Variants in GALNT9 observed in about 807,000 individuals in gnomAD.
GALNT9 encodes polypeptide N-acetylgalactosaminyltransferase 9.
Under a neutral mutation model 63.1 loss-of-function variants are expected in GALNT9, and 47 were observed. That is an observed-to-expected ratio of 0.75 (90% CI 0.59 to 0.95). The LOEUF (loss-of-function observed/expected upper bound fraction) is 0.95, where lower values mean the gene tolerates loss of function less well. GALNT9 is among the 40% of genes least tolerant of loss of function. GALNT9 has a pLI of 0.00. For synonymous variants in GALNT9, 396 were observed against 365.7 expected (o/e 1.08, Z -0.94); for missense variants, 829 against 874.8 (o/e 0.95, Z 0.66).
rs1334069633 is a variant in GALNT9 at position 132,286,172 on chromosome 12, A to G, written c.419+78T>C. The G allele has an allele frequency of 4.0e-5, 47 of 1,178,616 alleles. No homozygotes were observed. The East Asian group carries it at 8.6e-4, about 22-fold the overall frequency. The allele number at this position is 1,178,616 out of a possible 1,614,324, so 73.0% of individuals were successfully genotyped here. A position where few individuals can be genotyped will look rare whatever the true frequency, so the allele number is the denominator to read the frequency against. ...CACTTCCCCGGCCGGCGTGGGGGGC[A>G]GTCACTTCCCTGGCCAGTGTGGGGG... On this transcript the variant is annotated intron_variant, in intron 2 of 10. Coordinates refer to ENST00000328957, the MANE Select transcript of GALNT9 (RefSeq NM_001122636.2). The surrounding 1 kb of genome is among the most constrained non-coding windows in gnomAD (Gnocchi z 7.4).
At chr12:132,225,695 A>C (rs1397834556) in intron 6 of GALNT9, among the ~76,000 whole-genome samples, 246 of 140,110 alleles carry the variant, frequency 1.8e-3, no homozygotes, top group Non-Finnish European at 2.9e-3. Flanking sequence ...TACACACCCC[A>C]TACACACACT....
chr12:132,263,808 G>A lies in GALNT9; in HGVS notation c.420-1183C>T, dbSNP rs143904321. Among the ~76,000 whole-genome samples the A allele has an allele frequency of 8.7e-3, 1,324 of 152,290 alleles. 15 individuals are homozygous for A. The highest frequency in any genetic ancestry group is 0.028 in the African/African-American group (1,184 of 41,568). On this transcript the variant is annotated intron_variant, in intron 2 of 10. Coordinates refer to ENST00000328957, the MANE Select transcript of GALNT9 (RefSeq NM_001122636.2). ...CCGGCTGGGCCCGTGAAGTACTCAC[G>A]CCTGCCCCCTACGCCTCCTCGGAGC...
At chr12:132,324,780 T>C (rs1193419161) in intron 1 of GALNT9, among the ~76,000 whole-genome samples, 1 of 152,052 alleles carries the variant, frequency 6.6e-6, no homozygotes, top group African/African-American at 2.4e-5. Context: ...AGCCAGGTCT[T>C]CACTGGTGGT....
chr12:132,250,332 G>T (rs1017278874), intron 5 of GALNT9, among the ~76,000 whole-genome samples: 1 of 152,252 alleles, frequency 6.6e-6, no homozygotes, highest in Admixed American at 6.5e-5. Flanking sequence ...TCCCCACGGG[G>T]AGGGAGGACA....
At chr12:132,320,045 T>G (rs1222930267) in intron 1 of GALNT9, among the ~76,000 whole-genome samples, 2 of 152,200 alleles carry the variant, frequency 1.3e-5, no homozygotes, top group Non-Finnish European at 2.9e-5. Flanking sequence ...CTGTCAGACT[T>G]GAGTTTTCTG....
chr12:132,257,929 G>T, intron 4 of GALNT9, 43 bp from the exon 5 acceptor site: 1 of 1,356,496 alleles, frequency 7.4e-7, no homozygotes, highest in Non-Finnish European at 1.0e-6. Flanking sequence ...CCAGCCCACC[G>T]CATTCCCTGA....
chr12:132,202,806 C>G (rs1876267657), intron 7 of GALNT9, among the ~76,000 whole-genome samples: 1 of 152,100 alleles, frequency 6.6e-6, no homozygotes, highest in East Asian at 1.9e-4. Context: ...CAGTACCTGC[C>G]TTTCTTAGGG....
chr12:132,295,421 G>A (rs1437979090), intron 1 of GALNT9, among the ~76,000 whole-genome samples: 1 of 150,452 alleles, frequency 6.6e-6, no homozygotes, highest in Non-Finnish European at 1.5e-5. Flanking sequence ...CAGCCCTGGG[G>A]ACCTGTGAAC....
chr12:132,227,047 CACACAA>C (rs1377885261), intron 6 of GALNT9, among the ~76,000 whole-genome samples: 15 of 151,642 alleles, frequency 9.9e-5, no homozygotes, highest in African/African-American at 3.4e-4. Flanking sequence ...CCCACACCCA[CACACAA>C]CCCATAGCTT....
intron 2 of GALNT9, among the ~76,000 whole-genome samples, chr12:132,268,794 G>A (rs1435443230): frequency 2.6e-5 from 4 of 152,134 alleles, no homozygotes; most frequent in African/African-American, 9.7e-5. Flanking sequence ...CCCCCTCGGC[G>A]GCCATCAGGG....
rs143886588 is a variant in GALNT9 at position 132,310,785 on chromosome 12, C to T, written c.238+18181G>A. The stretch of plus-strand genomic sequence containing the variant: ...GCGCGCGCTGGGAAGGTGGGAGCCA[C>T]GCTGTCCTCCCACGCAAAGAGGAAC... On this transcript the variant is annotated intron_variant, in intron 1 of 10. Coordinates refer to ENST00000328957, the MANE Select transcript of GALNT9 (RefSeq NM_001122636.2). This position sits in a 1 kb window ranked among gnomAD's most constrained non-coding sequence, Gnocchi z 4.8. 3.6e-3 allele frequency among the ~76,000 whole-genome samples: 548 copies of T among 152,266 alleles called. 1 individual carries two copies. The highest frequency in any genetic ancestry group is 0.012 in the African/African-American group (502 of 41,542).
chr12:132,216,081 GA>G, intron 6 of GALNT9, among the ~76,000 whole-genome samples: 1 of 146,344 alleles, frequency 6.8e-6, no homozygotes, highest in East Asian at 3.1e-4. Flanking sequence ...GACGTAGACA[GA>G]GACACAGAAA....
chr12:132,326,201 T>C (rs1335053367), intron 1 of GALNT9, among the ~76,000 whole-genome samples: 1 of 152,230 alleles, frequency 6.6e-6, no homozygotes, highest in Admixed American at 6.5e-5. Context: ...TTTCCTTGAG[T>C]TTAGAGGCTC....
intron 1 of GALNT9, among the ~76,000 whole-genome samples, chr12:132,304,558 C>T (rs1336629227): frequency 2.4e-5 from 1 of 41,436 alleles, no homozygotes; most frequent in Non-Finnish European, 4.1e-5. Context: ...CCCAGACACA[C>T]CCTCACCGGG....
intron 6 of GALNT9, among the ~76,000 whole-genome samples, chr12:132,240,171 C>T (rs1276126558): frequency 6.6e-6 from 1 of 152,166 alleles, no homozygotes; most frequent in African/African-American, 2.4e-5. Flanking sequence ...ATTTAGGGGA[C>T]GTTGCTTGAG....
chr12:132,285,429 C>T (rs1333666902), intron 2 of GALNT9, among the ~76,000 whole-genome samples: 4 of 152,260 alleles, frequency 2.6e-5, no homozygotes, highest in South Asian at 2.1e-4. Context: ...ATTAATCTGG[C>T]GCTTGTCGCG....
intron 5 of GALNT9, among the ~76,000 whole-genome samples, chr12:132,251,440 G>A (rs1213558936): frequency 6.6e-6 from 1 of 152,208 alleles, no homozygotes; most frequent in African/African-American, 2.4e-5. Context: ...CCGGGGAGGG[G>A]AGCGGCTGCT....
chr12:132,329,433 C>A lies in GALNT9; in HGVS notation c.-230G>T. On this transcript the variant is annotated 5_prime_UTR_variant, in exon 1 of 11. The change abolishes an upstream ATG in the 5' untranslated region. Coordinates refer to ENST00000328957, the MANE Select transcript of GALNT9 (RefSeq NM_001122636.2). ...GGCTGGGGTCGCGGGGCGCGGCCGG[C>A]ATCCCCCGCTCAGAGGGCGCGGCCC... is the stretch of plus-strand genomic sequence containing the variant. 2.7e-6 allele frequency: 1 copy of A among 373,386 alleles called. No individual in the cohort carries two copies. Among genetic ancestry groups the A allele is most frequent in the Non-Finnish European group, 4.1e-6 (1 of 242,206 alleles). 23.1% of individuals were successfully genotyped at this position (373,386 alleles called of 1,614,324 possible).
intron 6 of GALNT9, among the ~76,000 whole-genome samples, chr12:132,211,780 A>C (rs1463347055): frequency 6.6e-6 from 1 of 152,172 alleles, no homozygotes; most frequent in Non-Finnish European, 1.5e-5. Context: ...AAGGCTGAGG[A>C]GTATGTCCAA....
Sources: allele counts gnomAD v4.1 joint callset (sites outside exome capture counted in the v4.1 genomes callset), GRCh38; gene constraint gnomAD v4.1.1; non-coding constraint Gnocchi (gnomAD v3.1); transcripts MANE v1.5; gene names NCBI Gene and HGNC (gene_info 2026-07-23, HGNC 2026-07-21).